MAMLD1: variants seen among roughly 807,000 people sequenced by gnomAD.
MAMLD1 encodes mastermind-like domain-containing protein 1.
Under a neutral mutation model 45.0 loss-of-function variants are expected in MAMLD1, and 14 were observed. That is an observed-to-expected ratio of 0.31 (90% CI 0.21 to 0.49). MAMLD1 has a LOEUF of 0.49. Ranked by LOEUF, MAMLD1 falls within the 20% of genes least tolerant of loss-of-function variation. The pLI, the probability that MAMLD1 is intolerant of heterozygous loss-of-function variation, is 0.99. For synonymous variants in MAMLD1, 254 were observed against 247.8 expected (o/e 1.02, Z -0.24); for missense variants, 543 against 603.6 (o/e 0.90, Z 1.05).
chrX:150,370,121 C>G (rs781935551), intron 1 of MAMLD1, among the ~76,000 whole-genome samples: 3 of 109,095 alleles, frequency 2.7e-5, no homozygotes, highest in East Asian at 5.9e-4. Context: ...ATAGACCAAC[C>G]CAGATGTCAC....
At chrX:150,377,999 G>A (rs1045022709) in intron 1 of MAMLD1, among the ~76,000 whole-genome samples, 4 of 111,946 alleles carry the variant, frequency 3.6e-5, no homozygotes, top group South Asian at 3.7e-4. Context: ...GCTAATAGTG[G>A]TACTAATCTA....
chrX:150,368,829 C>G (rs1331603236), intron 1 of MAMLD1, among the ~76,000 whole-genome samples: 2 of 112,300 alleles, frequency 1.8e-5, no homozygotes, highest in Non-Finnish European at 3.8e-5. Flanking sequence ...ATCCTTTCCC[C>G]ATTTCTTGTT....
chrX:150,470,545 C>T lies in MAMLD1; in HGVS notation c.972C>T (p.Pro324=), dbSNP rs782324876. 1.5e-5 allele frequency: 18 copies of T among 1,211,696 alleles called. No individual in the cohort carries two copies. The Admixed American group carries it at 3.5e-4, about 23-fold the overall frequency. The change falls in exon 4 of 8, where the codon CCC becomes CCT. Residue 324 remains proline (P), a synonymous_variant. Coordinates refer to ENST00000370401, the MANE Select transcript of MAMLD1 (RefSeq NM_005491.5). ...KQGSATKQQG[P]TPSWSGLPPP... The stretch of plus-strand genomic sequence containing the variant: ...GGTCTGCTACAAAGCAGCAAGGGCC[C>T]ACCCCCAGTTGGTCTGGTCTGCCTC...
intron 5 of MAMLD1, among the ~76,000 whole-genome samples, chrX:150,481,861 A>G (rs1157528348): frequency 9.6e-6 from 1 of 103,864 alleles, no homozygotes; most frequent in Non-Finnish European, 2.0e-5. Flanking sequence ...AAAGAAAGAG[A>G]GAAAGAAAGA....
At chrX:150,434,741 A>G (rs1000042822) in intron 1 of MAMLD1, among the ~76,000 whole-genome samples, 3 of 111,764 alleles carry the variant, frequency 2.7e-5, no homozygotes, top group Non-Finnish European at 5.6e-5. Flanking sequence ...TTTAGCATTG[A>G]TTTCTTTTTT....
chrX:150,406,613 T>C (rs1281197466), intron 1 of MAMLD1, among the ~76,000 whole-genome samples: 1 of 112,042 alleles, frequency 8.9e-6, no homozygotes, highest in East Asian at 2.8e-4. Flanking sequence ...TGTTCTAGAA[T>C]TTCTCTTTGG....
At chrX:150,433,040 A>T (rs2035006561) in intron 1 of MAMLD1, among the ~76,000 whole-genome samples, 2 of 112,085 alleles carry the variant, frequency 1.8e-5, no homozygotes, top group Admixed American at 1.9e-4. Context: ...CTTTCTATCC[A>T]TCAGCATGGA....
At chrX:150,474,041 G>C (rs781842357) in intron 5 of MAMLD1, among the ~76,000 whole-genome samples, 2 of 112,322 alleles carry the variant, frequency 1.8e-5, no homozygotes, top group South Asian at 7.5e-4. Flanking sequence ...TGCCAGCAGA[G>C]GCAAGAAGCT....
At chrX:150,493,733 A>G (rs926752796) in intron 5 of MAMLD1, among the ~76,000 whole-genome samples, 3 of 111,855 alleles carry the variant, frequency 2.7e-5, no homozygotes, top group Non-Finnish European at 3.8e-5. Flanking sequence ...GGATTTCCAC[A>G]GATGGCTCAT....
intron 2 of MAMLD1, among the ~76,000 whole-genome samples, chrX:150,458,613 G>GT (rs782713769): frequency 1.8e-5 from 2 of 111,594 alleles, no homozygotes; most frequent in East Asian, 2.8e-4. Context: ...ACCAGCAGCT[G>GT]TTTTTTTTCT....
At chrX:150,372,129 C>T (rs2032040030) in intron 1 of MAMLD1, among the ~76,000 whole-genome samples, 1 of 112,000 alleles carries the variant, frequency 8.9e-6, no homozygotes, top group African/African-American at 3.3e-5. Flanking sequence ...GTAACTGTGG[C>T]GTAATATAAT....
chrX:150,500,371 G>A (rs1930666), intron 5 of MAMLD1, among the ~76,000 whole-genome samples: 11,831 of 110,531 alleles, frequency 0.11, 463 homozygotes, highest in Middle Eastern at 0.16. Flanking sequence ...ATTATGGAAC[G>A]CAAAACCTGG....
intron 1 of MAMLD1, among the ~76,000 whole-genome samples, chrX:150,420,554 C>G (rs1162908853): frequency 8.9e-6 from 1 of 112,110 alleles, no homozygotes; most frequent in Non-Finnish European, 1.9e-5. Context: ...TCTGTTTTTT[C>G]CACATCTTTG....
chrX:150,396,801 C>A (rs1406905623), intron 1 of MAMLD1, among the ~76,000 whole-genome samples: 1 of 111,703 alleles, frequency 9.0e-6, no homozygotes, highest in African/African-American at 3.3e-5. Flanking sequence ...ATGTTGGAAG[C>A]TTCTGTAGTG....
At chrX:150,501,524 A>G (rs2037552347) in intron 5 of MAMLD1, among the ~76,000 whole-genome samples, 1 of 112,007 alleles carries the variant, frequency 8.9e-6, no homozygotes, top group African/African-American at 3.2e-5. Flanking sequence ...TGAGCCCTCT[A>G]TGGTTGGCAT....
chrX:150,366,416 G>T (rs2031457606), intron 1 of MAMLD1, among the ~76,000 whole-genome samples: 1 of 111,814 alleles, frequency 8.9e-6, no homozygotes, highest in African/African-American at 3.3e-5. Context: ...GTAATCAAAG[G>T]GTAAACTACT....
intron 5 of MAMLD1, among the ~76,000 whole-genome samples, chrX:150,496,343 A>G (rs951589340): frequency 2.7e-5 from 3 of 112,723 alleles, no homozygotes; most frequent in African/African-American, 6.4e-5. Context: ...CAGCTCTGCC[A>G]GTTACATATG....
chrX:150,439,959 T>A (rs781873012), intron 1 of MAMLD1, among the ~76,000 whole-genome samples: 16 of 109,283 alleles, frequency 1.5e-4, no homozygotes, highest in African/African-American at 4.3e-4. Context: ...AAAAAAAAAA[T>A]GGATTTATTT....
At chrX:150,411,113 T>C (rs2034113902) in intron 1 of MAMLD1, among the ~76,000 whole-genome samples, 1 of 111,755 alleles carries the variant, frequency 8.9e-6, no homozygotes, top group African/African-American at 3.3e-5. Context: ...CTAAAGCCTC[T>C]CCTGCATTCC....
Sources: allele counts gnomAD v4.1 joint callset (sites outside exome capture counted in the v4.1 genomes callset), GRCh38; gene constraint gnomAD v4.1.1; transcripts MANE v1.5; gene names NCBI Gene and HGNC (gene_info 2026-07-23, HGNC 2026-07-21).